STYXL1: variants seen among roughly 807,000 people sequenced by gnomAD.
STYXL1 encodes serine/threonine/tyrosine-interacting-like protein 1.
STYXL1 carries 32 observed loss-of-function variants against 36.4 expected under a neutral mutation model. The ratio of observed to expected loss-of-function variants is 0.88; its 90% CI spans 0.66 to 1.18. STYXL1 has a LOEUF of 1.18. STYXL1 is among the 50% of genes most tolerant of loss of function. STYXL1 has a pLI of 0.00. For synonymous variants in STYXL1, 133 were observed against 144.1 expected (o/e 0.92, Z 0.55); for missense variants, 354 against 394.1 (o/e 0.90, Z 0.86).
intron 4 of STYXL1, among the ~76,000 whole-genome samples, chr7:76,015,111 G>T (rs1585232391): frequency 6.6e-6 from 1 of 152,138 alleles, no homozygotes; most frequent in Non-Finnish European, 1.5e-5. Flanking sequence ...TTAGTTGAGT[G>T]TGGTGGCGGG....
intron 4 of STYXL1, among the ~76,000 whole-genome samples, chr7:76,017,866 C>CAAAACAAAAAAAAAAAAAAAAAA (rs1793574864): frequency 9.6e-5 from 1 of 10,368 alleles, no homozygotes; most frequent in African/African-American, 2.2e-4. Flanking sequence ...AACTCCATCT[C>CAAAACAAAAAAAAAAAAAAAAAA]AAAAAAAAAA....
intron 5 of STYXL1, among the ~76,000 whole-genome samples, chr7:76,008,609 C>A (rs781796503): frequency 4.6e-5 from 7 of 152,184 alleles, no homozygotes; most frequent in Non-Finnish European, 1.0e-4. Flanking sequence ...CCACTGCCTG[C>A]GGGCAGGCCC....
At position 76,004,873 on chromosome 7, in the gene STYXL1, C is replaced by A. The variant is rs191846103; in HGVS notation, c.599+386G>T. ...AAAACTAGCTGGGCGTGGTGGCGGG[C>A]GCCTGTAGTCCCAGCTACTGGGGAG... On this transcript the variant is annotated intron_variant, in intron 6 of 8. Transcript: ENST00000359697. Among the ~76,000 whole-genome samples, 3 of 151,122 alleles carry A rather than the reference C, an allele frequency of 2.0e-5. No individual in the cohort carries two copies. In the East Asian group the frequency reaches 5.9e-4, roughly 30 times the overall value.
In STYXL1 at chr7:76,039,516, G is replaced by T. The variant is rs149679449; in HGVS notation, c.-5+8146C>A. On this transcript the variant is annotated intron_variant, in intron 1 of 8. Transcript: ENST00000359697. ...CCAGAGCTGTGGAGGCTGCAGAAGTGGGCCTGAAATCTGTCTCTTAACTCA... is the reference window on the plus strand; with the variant it reads ...CCAGAGCTGTGGAGGCTGCAGAAGTTGGCCTGAAATCTGTCTCTTAACTCA... Among the ~76,000 whole-genome samples the T allele has an allele frequency of 6.4e-3, 982 of 152,296 alleles. 6 individuals are homozygous for T. Among genetic ancestry groups the T allele is most frequent in the Non-Finnish European group, 0.012 (806 of 68,026 alleles).
intron 1 of STYXL1, among the ~76,000 whole-genome samples, chr7:76,041,184 A>T (rs567850187): frequency 6.6e-6 from 1 of 152,216 alleles, no homozygotes; most frequent in African/African-American, 2.4e-5. Context: ...CTCCAAAAAA[A>T]AAAAAAAAAC....
intron 8 of STYXL1, among the ~76,000 whole-genome samples, chr7:75,999,774 G>A (rs1790638054): frequency 6.6e-6 from 1 of 152,012 alleles, no homozygotes; most frequent in Non-Finnish European, 1.5e-5. Context: ...TTGAACTCCT[G>A]ACCTCAGGTG....
At chr7:76,010,053 C>T (rs1367788026) in intron 5 of STYXL1, among the ~76,000 whole-genome samples, 1 of 152,116 alleles carries the variant, frequency 6.6e-6, no homozygotes, top group African/African-American at 2.4e-5. Flanking sequence ...CTTACTAAAG[C>T]TTCAGAAATG....
chr7:76,046,337 T>TGC (rs1797051189), intron 1 of STYXL1, among the ~76,000 whole-genome samples: 4 of 23,654 alleles, frequency 1.7e-4, no homozygotes, highest in African/African-American at 4.6e-4. Context: ...TGTGTGTGTG[T>TGC]GTGCGCGCGC....
chr7:76,035,737 A>C (rs975442025), intron 1 of STYXL1, among the ~76,000 whole-genome samples: 9 of 149,468 alleles, frequency 6.0e-5, no homozygotes, highest in Admixed American at 4.7e-4. Context: ...CTCCTAACCC[A>C]TCTGGTCTAT....
At chr7:76,035,538 T>A (rs1554580528) in intron 1 of STYXL1, among the ~76,000 whole-genome samples, 1 of 149,820 alleles carries the variant, frequency 6.7e-6, no homozygotes, top group Non-Finnish European at 1.5e-5. Context: ...AACACCGCCA[T>A]CTGGACCTGC....
At chr7:76,017,866 C>CAAAAAGAAAAAAAAAAAAAAA (rs1793575450) in intron 4 of STYXL1, among the ~76,000 whole-genome samples, 1 of 10,368 alleles carries the variant, frequency 9.6e-5, no homozygotes, top group Non-Finnish European at 2.3e-4. Flanking sequence ...AACTCCATCT[C>CAAAAAGAAAAAAAAAAAAAAA]AAAAAAAAAA....
intron 5 of STYXL1, among the ~76,000 whole-genome samples, chr7:76,008,135 C>G (rs1003357555): frequency 2.2e-5 from 3 of 133,742 alleles, no homozygotes; most frequent in African/African-American, 8.5e-5. Flanking sequence ...GGAGGTGGAG[C>G]CTGCAGTGAG....
intron 1 of STYXL1, among the ~76,000 whole-genome samples, chr7:76,036,523 T>C (rs944215753): frequency 2.0e-5 from 3 of 150,260 alleles, no homozygotes; most frequent in African/African-American, 7.3e-5. Context: ...GTATTTTCCT[T>C]TGTGAATCCA....
intron 3 of STYXL1, among the ~76,000 whole-genome samples, chr7:76,024,478 G>A (rs1554577131): frequency 6.6e-6 from 1 of 151,990 alleles, no homozygotes; most frequent in African/African-American, 2.4e-5. Context: ...TTAGCTGGGT[G>A]TGGTGGTGCA....
At chr7:76,004,420 T>A (rs1791384506) in intron 6 of STYXL1, among the ~76,000 whole-genome samples, 1 of 151,432 alleles carries the variant, frequency 6.6e-6, no homozygotes, top group Admixed American at 6.6e-5. Flanking sequence ...AGTACCTATC[T>A]TGGCCAAGCA....
At position 76,021,935 on chromosome 7, in the gene STYXL1, C is replaced by T. The variant is rs61740075; in HGVS notation, c.223G>A (p.Val75Met). 826 of 1,613,432 alleles carry T rather than the reference C, an allele frequency of 5.1e-4. 1 individual carries two copies. Among genetic ancestry groups the T allele is most frequent in the Non-Finnish European group, 6.5e-4 (768 of 1,180,004 alleles). Residue 75 changes from valine to methionine, a missense_variant, in exon 4 of 9, where the codon GTG (valine) becomes ATG (methionine). By Grantham distance (21) the Val-to-Met change is conservative. Coordinates refer to ENST00000359697, the MANE Select transcript of STYXL1 (RefSeq NM_001317785.2). The stretch of plus-strand genomic sequence containing the variant: ...GTGCTGCTGTTGTTATCATACACCA[C>T]GCAGTACTTCACACACTCCAGGTCC... Reference protein sequence around the residue: ...SVDLECVKYCVVYDNNSSTLE... With the variant: ...SVDLECVKYCMVYDNNSSTLE...
chr7:76,022,317 T>C (rs1206844090), intron 3 of STYXL1, among the ~76,000 whole-genome samples: 1 of 152,086 alleles, frequency 6.6e-6, no homozygotes, highest in Non-Finnish European at 1.5e-5. Flanking sequence ...TCAATTGAAT[T>C]AGTGATATCC....
intron 2 of STYXL1, among the ~76,000 whole-genome samples, chr7:76,029,463 A>G (rs150560861): frequency 1.2e-4 from 18 of 152,186 alleles, no homozygotes; most frequent in African/African-American, 4.3e-4. Context: ...CAGCTTTCTA[A>G]AGCAGCGATC....
intron 1 of STYXL1, among the ~76,000 whole-genome samples, chr7:76,042,247 T>C (rs1209382176): frequency 1.3e-5 from 2 of 152,098 alleles, no homozygotes; most frequent in African/African-American, 4.8e-5. Flanking sequence ...TGACCAGCAT[T>C]TTCCCAGTGA....
Sources: gnomAD v4.1 joint callset for allele counts (sites outside exome capture counted in the v4.1 genomes callset) on GRCh38, gnomAD v4.1.1 for gene constraint, MANE v1.5 for transcripts, NCBI Gene and HGNC (gene_info 2026-07-23, HGNC 2026-07-21) for gene names.